NHERF2: variants seen among roughly 807,000 people sequenced by gnomAD.
NHERF2 encodes NHERF family PDZ scaffold protein 2.
At chr16:2,028,265 GC>G in the NHERF2 span, among the ~76,000 whole-genome samples, 1 of 152,226 alleles carries the variant, frequency 6.6e-6, no homozygotes, top group African/African-American at 2.4e-5. Context: ...CTGTCGGCCG[GC>G]CCCATGCCTT....
chr16:2,029,406 G>A, the NHERF2 span: 5 of 615,208 alleles, frequency 8.1e-6, no homozygotes, highest in East Asian at 8.6e-5. Context: ...GCAGAGGGAG[G>A]GAGCCGCTGG....
the NHERF2 span, chr16:2,036,380 A>G: frequency 6.2e-7 from 1 of 1,610,618 alleles, no homozygotes; most frequent in Non-Finnish European, 8.5e-7. Context: ...TGCGAAAGGG[A>G]CCTCAGGGCT....
the NHERF2 span, chr16:2,029,739 A>G: frequency 6.4e-7 from 1 of 1,552,500 alleles, no homozygotes; most frequent in South Asian, 1.2e-5. Context: ...CCGAAGCCAG[A>G]CTGGGCACAC....
the NHERF2 span, chr16:2,033,442 G>T: frequency 2.0e-6 from 3 of 1,518,072 alleles, no homozygotes; most frequent in Non-Finnish European, 2.6e-6. Flanking sequence ...GGTCAGGTGG[G>T]GTGGGAGGAA....
chr16:2,027,220 TG>T, the NHERF2 span: 4 of 1,333,358 alleles, frequency 3.0e-6, no homozygotes, highest in East Asian at 6.4e-5. Flanking sequence ...CACCACCAGG[TG>T]GGGGCCAGCG....
chr16:2,036,969 C>A, the NHERF2 span: 8 of 1,553,762 alleles, frequency 5.1e-6, no homozygotes, highest in Non-Finnish European at 7.0e-6. Flanking sequence ...TCTGCCGTCA[C>A]CCGTCACCAA....
At chr16:2,029,802 C>T in the NHERF2 span, 84 of 1,543,896 alleles carry the variant, frequency 5.4e-5, no homozygotes, top group Non-Finnish European at 7.0e-5. Flanking sequence ...GCTTGGCCCA[C>T]AGGGACCACC....
the NHERF2 span, among the ~76,000 whole-genome samples, chr16:2,032,022 CT>C: frequency 0.011 from 1,555 of 141,780 alleles, 20 homozygotes; most frequent in African/African-American, 0.029. The surrounding 1 kb of genome is among the most constrained non-coding windows in gnomAD (Gnocchi z 4.0). Flanking sequence ...TTCTTTCTTT[CT>C]TTTTTTTTTT....
the NHERF2 span, among the ~76,000 whole-genome samples, chr16:2,033,881 C>T: frequency 1.3e-5 from 2 of 152,254 alleles, no homozygotes; most frequent in African/African-American, 2.4e-5. Context: ...AGCCCCTCCA[C>T]CTGAGGTTTT....
At chr16:2,036,555 C>A in the NHERF2 span, 15 of 1,535,182 alleles carry the variant, frequency 9.8e-6, no homozygotes, top group East Asian at 2.9e-4. Flanking sequence ...CCTGTCCACA[C>A]TGGGGCCCTG....
the NHERF2 span, chr16:2,035,782 C>A: frequency 1.4e-6 from 1 of 725,718 alleles, no homozygotes; most frequent in Non-Finnish European, 1.7e-6. Context: ...AAGCTCCTGC[C>A]CCAGCCCCTG....
the NHERF2 span, chr16:2,026,999 G>C: frequency 1.8e-6 from 2 of 1,126,676 alleles, no homozygotes. Flanking sequence ...GGTGGGCAGC[G>C]GGCGCCATGG....
the NHERF2 span, chr16:2,033,049 C>G: frequency 3.0e-5 from 39 of 1,282,902 alleles, no homozygotes; most frequent in East Asian, 1.3e-3. Context: ...GGGGCCGGGA[C>G]TCCTCCCTGT....
chr16:2,029,829 GCT>G, the NHERF2 span: 1 of 1,484,160 alleles, frequency 6.7e-7, no homozygotes, highest in East Asian at 2.5e-5. Context: ...TCTCCCAGAG[GCT>G]CTCTCAGCTT....
chr16:2,034,999 T>C, the NHERF2 span, among the ~76,000 whole-genome samples: 1 of 152,048 alleles, frequency 6.6e-6, no homozygotes, highest in Admixed American at 6.5e-5. Context: ...CACCCTCTAA[T>C]TCAGCCCATG....
chr16:2,036,271 T>G, the NHERF2 span: 2 of 1,526,386 alleles, frequency 1.3e-6, no homozygotes, highest in African/African-American at 2.7e-5. Flanking sequence ...GGGAGTGGCC[T>G]CTGGAGGCGG....
chr16:2,036,378 G>A, the NHERF2 span: 4 of 1,610,516 alleles, frequency 2.5e-6, no homozygotes, highest in Non-Finnish European at 3.4e-6. Flanking sequence ...CCTGCGAAAG[G>A]GACCTCAGGG....
the NHERF2 span, chr16:2,032,814 G>A: frequency 1.0e-6 from 1 of 996,710 alleles, no homozygotes. This position sits in a 1 kb window ranked among gnomAD's most constrained non-coding sequence, Gnocchi z 4.0. Context: ...GGGGTGGCCA[G>A]CGGTGCCAGG....
At chr16:2,032,169 A>G in the NHERF2 span, among the ~76,000 whole-genome samples, 1 of 151,770 alleles carries the variant, frequency 6.6e-6, no homozygotes, top group African/African-American at 2.4e-5. The surrounding 1 kb of genome is among the most constrained non-coding windows in gnomAD (Gnocchi z 4.0). Flanking sequence ...ACAGGCGTGT[A>G]CCACCACACC....
Sources: allele counts gnomAD v4.1 joint callset (sites outside exome capture counted in the v4.1 genomes callset), GRCh38; gene constraint gnomAD v4.1.1; non-coding constraint Gnocchi (gnomAD v3.1); transcripts MANE v1.5; gene names NCBI Gene and HGNC (gene_info 2026-07-23, HGNC 2026-07-21).